Variants in CTNNA2 observed in about 807,000 individuals in gnomAD.
CTNNA2 encodes the protein catenin alpha-2.
CTNNA2 carries 42 observed loss-of-function variants against 101.0 expected under a neutral mutation model. The ratio of observed to expected loss-of-function variants is 0.42; its 90% confidence interval spans 0.32 to 0.54. The LOEUF (loss-of-function observed/expected upper bound fraction) is 0.54, where lower values mean the gene tolerates loss of function less well. Ranked by LOEUF, CTNNA2 falls within the 20% of genes least tolerant of loss-of-function variation. The probability of loss-of-function intolerance (pLI) is 0.14; values close to 1 mark genes in which losing one functional copy is unlikely to be tolerated. For missense variants in CTNNA2, 871 were observed against 1,223.1 expected, an observed-to-expected ratio of 0.71 and a Z score of 4.29; for synonymous variants, 450 against 456.4, an observed-to-expected ratio of 0.99 and a Z score of 0.18.
At chr2:79,306,030 A>G (rs931954403) in intron 2 of CTNNA2, among the ~76,000 whole-genome samples, 2 of 147,228 alleles carry the variant, frequency 1.4e-5, no homozygotes, top group African/African-American at 5.1e-5. Context: ...TGGGCAACAG[A>G]GCGAGACACC....
intron 2 of CTNNA2, among the ~76,000 whole-genome samples, chr2:79,252,796 C>T (rs977281879): frequency 3.3e-5 from 5 of 149,550 alleles, no homozygotes; most frequent in Non-Finnish European, 7.4e-5. Flanking sequence ...TTTTTGAAAG[C>T]TGTCTTGCTT....
chr2:79,704,684 T>TTG (rs1484566605), intron 2 of CTNNA2, among the ~76,000 whole-genome samples: 8,089 of 152,002 alleles, frequency 0.053, 746 homozygotes, highest in African/African-American at 0.18. Context: ...GGCTAATTTT[T>TTG]TTGTATTTTT....
chr2:79,840,153 T>C (rs75718989), intron 3 of CTNNA2, among the ~76,000 whole-genome samples: 6,062 of 152,348 alleles, frequency 0.04, 145 homozygotes, highest in East Asian at 0.12. Flanking sequence ...CCATGCAATT[T>C]TTCCTGTGAC....
At chr2:80,163,701 G>A (rs1704481093) in intron 7 of CTNNA2, among the ~76,000 whole-genome samples, 1 of 152,096 alleles carries the variant, frequency 6.6e-6, no homozygotes, top group South Asian at 2.1e-4. Flanking sequence ...TGCTCTAATT[G>A]TTGAGAAGAA....
At chr2:80,438,516 T>C (rs1041710227) in intron 9 of CTNNA2, among the ~76,000 whole-genome samples, 4 of 152,210 alleles carry the variant, frequency 2.6e-5, no homozygotes, top group South Asian at 4.1e-4. Context: ...TACTCATTAT[T>C]TATGCCAATT....
At chr2:79,217,137 A>C (rs62156567) in intron 2 of CTNNA2, among the ~76,000 whole-genome samples, 65,859 of 152,002 alleles carry the variant, frequency 0.43, 15,501 homozygotes, top group Non-Finnish European at 0.53. Flanking sequence ...AGGTTGGAGA[A>C]GAGAGTAAGA....
intron 2 of CTNNA2, among the ~76,000 whole-genome samples, chr2:79,741,774 A>C (rs921921935): frequency 2.6e-5 from 4 of 152,256 alleles, no homozygotes; most frequent in African/African-American, 9.6e-5. Context: ...CTTAAGAATC[A>C]TATTCTCTAT....
intron 8 of CTNNA2, among the ~76,000 whole-genome samples, chr2:80,409,765 C>T (rs1213689636): frequency 2.0e-5 from 3 of 152,124 alleles, no homozygotes; most frequent in African/African-American, 7.2e-5. Flanking sequence ...TATTTTGGTA[C>T]GTTTACTCTC....
intron 15 of CTNNA2, among the ~76,000 whole-genome samples, chr2:80,593,277 T>C (rs1341950221): frequency 6.6e-6 from 1 of 152,146 alleles, no homozygotes; most frequent in Admixed American, 6.5e-5. Flanking sequence ...TTGTCGATAT[T>C]GTCTTCCACG....
intron 3 of CTNNA2, among the ~76,000 whole-genome samples, chr2:79,364,124 A>G (rs1677691645): frequency 6.6e-6 from 1 of 152,186 alleles, no homozygotes; most frequent in Non-Finnish European, 1.5e-5. Flanking sequence ...AATTGCCAGC[A>G]AGCAATTTTC....
chr2:80,479,449 A>G (rs755534124), intron 9 of CTNNA2, among the ~76,000 whole-genome samples: 2 of 152,180 alleles, frequency 1.3e-5, no homozygotes, highest in South Asian at 2.1e-4. Context: ...CAATAATTCC[A>G]AGGTTGACAA....
At chr2:80,247,337 T>A (rs2149100332) in intron 7 of CTNNA2, among the ~76,000 whole-genome samples, 1 of 152,280 alleles carries the variant, frequency 6.6e-6, no homozygotes, top group East Asian at 1.9e-4. Flanking sequence ...TGACCAGTAC[T>A]TTTAAACCTC....
intron 1 of CTNNA2, among the ~76,000 whole-genome samples, chr2:79,194,977 C>A (rs1231544846): frequency 6.6e-6 from 1 of 152,122 alleles, no homozygotes; most frequent in Non-Finnish European, 1.5e-5. Context: ...ATTTTCCAAG[C>A]CCTGCCTGGG....
rs970067167 is a variant in CTNNA2, at chr2:80,591,365, G to A, written c.2189+1880G>A. ...TTGTTAGGGCAAAGGGAGGAGTATA[G>A]TAATGAATGACTGGAGAACCAGAGT... is the stretch of plus-strand genomic sequence containing the variant. On this transcript the variant is annotated intron_variant, in intron 15 of 18. Coordinates refer to ENST00000402739, the MANE Select transcript of CTNNA2 (RefSeq NM_001282597.3). Among the ~76,000 whole-genome samples, 5 of 148,936 alleles carry A rather than the reference G, an allele frequency of 3.4e-5. No homozygotes were observed. The South Asian group carries it at 1.1e-3, about 34-fold the overall frequency.
chr2:80,530,870 C>G (rs1690477979), intron 9 of CTNNA2, among the ~76,000 whole-genome samples: 1 of 151,968 alleles, frequency 6.6e-6, no homozygotes, highest in Non-Finnish European at 1.5e-5. Context: ...TGCTTTGCAC[C>G]CAAAGAAGCT....
At chr2:80,235,897 T>C (rs1709526899) in intron 7 of CTNNA2, among the ~76,000 whole-genome samples, 1 of 152,208 alleles carries the variant, frequency 6.6e-6, no homozygotes, top group African/African-American at 2.4e-5. Flanking sequence ...ATACAGATTA[T>C]TTCATCACCC....
At chr2:79,759,770 C>T (rs1407249022) in intron 3 of CTNNA2, among the ~76,000 whole-genome samples, 1 of 152,154 alleles carries the variant, frequency 6.6e-6, no homozygotes, top group African/African-American at 2.4e-5. Flanking sequence ...ATATACCAAC[C>T]ATTCCATAAT....
chr2:79,541,252 A>C lies in CTNNA2; in HGVS notation c.-6+28045A>C, dbSNP rs1038144150. Among the ~76,000 whole-genome samples, 3 of 151,426 alleles carry C rather than the reference A, an allele frequency of 2.0e-5. 1 individual carries two copies. In the Admixed American group the frequency reaches 2.0e-4, roughly 10 times the overall value. ...CACACACACAAGAATAATTTTTCAA[A>C]TTCTTATTTTACAAATGTTAGAATA... On this transcript the variant is annotated intron_variant, in intron 1 of 18. Coordinates refer to ENST00000402739, the MANE Select transcript of CTNNA2 (RefSeq NM_001282597.3).
rs1678245856 is a variant in CTNNA2, at chr2:79,397,512, C to T, written c.-135+23499C>T. Among the ~76,000 whole-genome samples the T allele has an allele frequency of 3.9e-5, 6 of 152,226 alleles. No homozygotes were observed. The South Asian group carries it at 1.2e-3, about 32-fold the overall frequency. On this transcript the variant is annotated intron_variant, in intron 4 of 21. Coordinates refer to the CTNNA2 transcript ENST00000466387. ...AGTGGGCTTTGTTTTTAAATAACAGCTTTTTCCCTCATCCTTTCAAATCTG... is the reference window on the plus strand; with the variant it reads ...AGTGGGCTTTGTTTTTAAATAACAGTTTTTTCCCTCATCCTTTCAAATCTG...
Sources: gnomAD v4.1 joint callset for allele counts (sites outside exome capture counted in the v4.1 genomes callset) on GRCh38, gnomAD v4.1.1 for gene constraint, MANE v1.5 for transcripts, NCBI Gene and HGNC (gene_info 2026-07-23, HGNC 2026-07-21) for gene names.